Variants in BTBD9 observed in about 807,000 individuals in gnomAD.
The protein encoded by BTBD9 is BTB/POZ domain-containing protein 9.
Under a neutral mutation model 64.3 loss-of-function variants are expected in BTBD9, and 49 were observed. The observed-to-expected ratio is 0.76, with a 90% CI of 0.61 to 0.97. BTBD9 has a LOEUF of 0.97. Among genes scored for constraint, BTBD9 ranks in the 50% least tolerant of loss-of-function variants. BTBD9 has a pLI of 0.00. For synonymous variants in BTBD9, 260 were observed against 274.7 expected (o/e 0.95, Z 0.53); for missense variants, 598 against 762.1 (o/e 0.78, Z 2.53).
chr6:38,214,112 T>C (rs1387852318), intron 9 of BTBD9, among the ~76,000 whole-genome samples: 2 of 152,170 alleles, frequency 1.3e-5, no homozygotes, highest in Non-Finnish European at 1.5e-5. Flanking sequence ...ACTTTTCGGG[T>C]CTGTCTGTGT....
chr6:38,510,198 C>T (rs143197637), intron 6 of BTBD9, among the ~76,000 whole-genome samples: 3 of 152,324 alleles, frequency 2.0e-5, no homozygotes, highest in Non-Finnish European at 2.9e-5. Context: ...TATACTTACA[C>T]GAACTGGATG....
intron 9 of BTBD9, among the ~76,000 whole-genome samples, chr6:38,212,405 G>A (rs1762864922): frequency 6.6e-6 from 1 of 152,138 alleles, no homozygotes; most frequent in Non-Finnish European, 1.5e-5. Flanking sequence ...GGTTGAGAGG[G>A]GGTGACACAG....
intron 6 of BTBD9, among the ~76,000 whole-genome samples, chr6:38,446,132 T>A (rs182948747): frequency 8.6e-4 from 131 of 152,258 alleles, no homozygotes; most frequent in African/African-American, 2.7e-3. Flanking sequence ...TCCACTCACA[T>A]GGCTCAGATA....
chr6:38,582,670 A>C (rs1478292698), intron 4 of BTBD9, among the ~76,000 whole-genome samples: 2 of 152,174 alleles, frequency 1.3e-5, no homozygotes, highest in African/African-American at 4.8e-5. Flanking sequence ...AGTATGATAT[A>C]GGGGAAAAAA....
At chr6:38,353,317 T>C (rs1405327901) in intron 6 of BTBD9, among the ~76,000 whole-genome samples, 1 of 152,182 alleles carries the variant, frequency 6.6e-6, no homozygotes, top group Non-Finnish European at 1.5e-5. Context: ...TCTTTCCATT[T>C]TTTTCAGATT....
chr6:38,322,881 A>T (rs1763289376), intron 7 of BTBD9, among the ~76,000 whole-genome samples: 1 of 152,220 alleles, frequency 6.6e-6, no homozygotes, highest in Non-Finnish European at 1.5e-5. Context: ...TGTGTGTGCC[A>T]GACAGTTACT....
At chr6:38,587,918 C>T (rs1490843210) in intron 4 of BTBD9, 3 of 722,080 alleles carry the variant, frequency 4.2e-6, no homozygotes, top group Non-Finnish European at 7.8e-6. Flanking sequence ...TTCAGGGCAA[C>T]CCAGTGCTCC....
At chr6:38,486,484 C>G (rs982243212) in intron 6 of BTBD9, among the ~76,000 whole-genome samples, 1 of 152,166 alleles carries the variant, frequency 6.6e-6, no homozygotes, top group African/African-American at 2.4e-5. Context: ...CTTAAAGAGA[C>G]TACTGTAGGG....
chr6:38,557,230 C>T (rs1246431375), intron 6 of BTBD9, among the ~76,000 whole-genome samples: 1 of 151,728 alleles, frequency 6.6e-6, no homozygotes, highest in African/African-American at 2.4e-5. Flanking sequence ...CCTGCAATCC[C>T]AGCTACTCAG....
chr6:38,351,504 GTTGTTTT>G lies in BTBD9; in HGVS notation c.1155-6418_1155-6412del, dbSNP rs1191795871. 5.2e-3 allele frequency among the ~76,000 whole-genome samples: 498 copies of G among 96,688 alleles called. 6 individuals are homozygous for G. The highest frequency in any genetic ancestry group is 8.2e-3 in the Middle Eastern group (1 of 122). 63.4% of individuals were successfully genotyped at this position (96,688 alleles called of 152,430 possible). ...TACTAAAGACAAATATTTAATTGTT[GTTGTTTT>G]TTTTTTTTTTTTTTTTGAGATGGAG... On this transcript the variant is annotated intron_variant, in intron 6 of 10. Transcript: ENST00000481247.
At chr6:38,489,042 T>C (rs1232864272) in intron 6 of BTBD9, among the ~76,000 whole-genome samples, 4 of 151,908 alleles carry the variant, frequency 2.6e-5, no homozygotes, top group African/African-American at 4.8e-5. Context: ...ACTACAGGCA[T>C]GCTTCACTAT....
chr6:38,278,261 C>T (rs555810477), intron 8 of BTBD9, among the ~76,000 whole-genome samples: 1 of 152,284 alleles, frequency 6.6e-6, no homozygotes, highest in East Asian at 1.9e-4. Flanking sequence ...AGCCATGCCC[C>T]TGTGGACTTT....
intron 9 of BTBD9, among the ~76,000 whole-genome samples, chr6:38,237,720 C>T (rs1763826909): frequency 6.6e-6 from 1 of 152,002 alleles, no homozygotes; most frequent in Non-Finnish European, 1.5e-5. Flanking sequence ...CAAAAAAGTG[C>T]TGAATCTTAT....
At chr6:38,310,422 A>G (rs1046962279) in intron 7 of BTBD9, among the ~76,000 whole-genome samples, 6 of 122,802 alleles carry the variant, frequency 4.9e-5, no homozygotes, top group Middle Eastern at 3.9e-3. Context: ...TAGTTATCAG[A>G]AAAAAAAAAA....
At chr6:38,587,619 T>C in intron 4 of BTBD9, 1 of 590,006 alleles carries the variant, frequency 1.7e-6, no homozygotes, top group East Asian at 3.8e-5. Flanking sequence ...GAAGACCCCT[T>C]GAATCAAGTC....
chr6:38,170,347 G>C lies in BTBD9; in HGVS notation c.*4638C>G, dbSNP rs920278531. The C allele has an allele frequency of 6.6e-6, 1 of 152,468 alleles. No homozygotes were observed. The highest frequency in any genetic ancestry group is 2.1e-4 in the South Asian group (1 of 4,828). The allele number at this position is 152,468 out of a possible 1,614,324, so 9.4% of individuals were successfully genotyped here. ...AGGATGGGTGAGCACGCTGTCCCTC[G>C]GAGCGTCCTCAGTGGTGCAGCCAAG... On this transcript the variant is annotated 3_prime_UTR_variant, in exon 11 of 11. Transcript: ENST00000481247.
At chr6:38,262,621 G>A (rs1183150014) in intron 8 of BTBD9, among the ~76,000 whole-genome samples, 2 of 152,090 alleles carry the variant, frequency 1.3e-5, no homozygotes, top group African/African-American at 2.4e-5. Flanking sequence ...ATTCAATAGC[G>A]AATATGTTTT....
chr6:38,433,362 T>C (rs529696221), intron 6 of BTBD9, among the ~76,000 whole-genome samples: 1 of 152,040 alleles, frequency 6.6e-6, no homozygotes, highest in East Asian at 1.9e-4. Flanking sequence ...GACCTGCACA[T>C]ATACATCCAG....
chr6:38,221,838 G>A (rs969847790), intron 9 of BTBD9, among the ~76,000 whole-genome samples: 3 of 151,878 alleles, frequency 2.0e-5, no homozygotes, highest in Non-Finnish European at 4.4e-5. Context: ...TAAAAATACA[G>A]GAATTAGCCA....
Sources: allele counts gnomAD v4.1 joint callset (sites outside exome capture counted in the v4.1 genomes callset), GRCh38; gene constraint gnomAD v4.1.1; transcripts MANE v1.5; gene names NCBI Gene and HGNC (gene_info 2026-07-23, HGNC 2026-07-21).